Variants in SPAG17 observed in about 807,000 individuals in gnomAD.
The protein encoded by SPAG17 is sperm-associated antigen 17.
SPAG17 carries 169 observed loss-of-function variants against 273.6 expected under a neutral mutation model. The observed-to-expected ratio is 0.62, with a 90% CI of 0.55 to 0.70. SPAG17 has a LOEUF of 0.70. Among genes scored for constraint, SPAG17 ranks in the 30% least tolerant of loss-of-function variants. The pLI, the probability that SPAG17 is intolerant of heterozygous loss-of-function variation, is 0.00. For synonymous variants in SPAG17, 825 were observed against 873.2 expected (o/e 0.94, Z 0.97); for missense variants, 2,557 against 2,627.8 (o/e 0.97, Z 0.59).
intron 25 of SPAG17, among the ~76,000 whole-genome samples, chr1:118,029,403 A>G (rs1290407511): frequency 1.3e-5 from 2 of 152,136 alleles, no homozygotes. Flanking sequence ...CCAAACTAAT[A>G]CAGAAAAAGT....
intron 4 of SPAG17, among the ~76,000 whole-genome samples, chr1:118,104,349 T>A (rs979194533): frequency 6.6e-6 from 1 of 152,102 alleles, no homozygotes; most frequent in African/African-American, 2.4e-5. Flanking sequence ...GAAGACTGGG[T>A]GATAAATGAG....
chr1:118,120,729 C>T lies in SPAG17; in HGVS notation c.316-5288G>A, dbSNP rs1435512117. Among the ~76,000 whole-genome samples, 3 of 152,186 alleles carry T rather than the reference C, an allele frequency of 2.0e-5. No homozygotes were observed. The East Asian group carries it at 5.8e-4, about 29-fold the overall frequency. ...AATAGGAAGAATACAGAATTTGCTT[C>T]TGGCTCCTTTCTGTTACCTTTTAAA... On this transcript the variant is annotated intron_variant, in intron 3 of 48. Transcript: ENST00000336338.
At chr1:117,972,993 A>T (rs1654739403) in intron 44 of SPAG17, among the ~76,000 whole-genome samples, 1 of 152,208 alleles carries the variant, frequency 6.6e-6, no homozygotes, top group Non-Finnish European at 1.5e-5. Flanking sequence ...TTTGGATTTT[A>T]TCCTAAGAGT....
Position 117,988,141 on chromosome 1 carries a change from T to G in SPAG17, c.5585A>C (p.Asp1862Ala). 2 of 1,608,420 alleles carry G rather than the reference T, an allele frequency of 1.2e-6. No individual in the cohort carries two copies. The highest frequency in any genetic ancestry group is 8.5e-7 in the Non-Finnish European group (1 of 1,178,434). ...TTCAAAGAAATCTTTACCAAATGTG[T>G]CTGGTGGGCATTTTGGAGGCGTAGC... is the stretch of plus-strand genomic sequence containing the variant. The part of the protein sequence containing the change: ...SLATPPKCPP[D>A]TFGKDFFEKT... Residue 1862 changes from aspartate to alanine, a missense_variant, in exon 39 of 49, where the codon GAC becomes GCC. By Grantham distance (126) the Asp-to-Ala change is moderately radical (BLOSUM62 -2). Transcript: ENST00000336338.
intron 43 of SPAG17, among the ~76,000 whole-genome samples, chr1:117,979,567 C>T (rs1284384739): frequency 6.6e-6 from 1 of 152,280 alleles, no homozygotes; most frequent in East Asian, 1.9e-4. Flanking sequence ...GAGCTGTTAT[C>T]CTCACAGAGT....
chr1:118,116,568 T>C (rs1157091072), intron 3 of SPAG17, among the ~76,000 whole-genome samples: 1 of 152,136 alleles, frequency 6.6e-6, no homozygotes, highest in African/African-American at 2.4e-5. Context: ...TCCTGACCAG[T>C]CCAGTTGCTT....
At chr1:117,975,962 A>G (rs1056523433) in intron 43 of SPAG17, among the ~76,000 whole-genome samples, 1 of 152,210 alleles carries the variant, frequency 6.6e-6, no homozygotes, top group African/African-American at 2.4e-5. Context: ...AGCATTTTAC[A>G]TACATTAACT....
intron 3 of SPAG17, among the ~76,000 whole-genome samples, chr1:118,129,425 T>C (rs1368942224): frequency 6.6e-6 from 1 of 152,224 alleles, no homozygotes. Context: ...CTGCTGAATC[T>C]GAAACTCTGG....
At chr1:118,137,195 A>G (rs1004068324) in intron 3 of SPAG17, among the ~76,000 whole-genome samples, 5 of 152,162 alleles carry the variant, frequency 3.3e-5, no homozygotes, top group Non-Finnish European at 7.3e-5. Context: ...ATGTTATTAG[A>G]CTGTTCTGGC....
At chr1:118,183,109 T>C (rs1661021733) in intron 1 of SPAG17, among the ~76,000 whole-genome samples, 1 of 152,156 alleles carries the variant, frequency 6.6e-6, no homozygotes, top group African/African-American at 2.4e-5. Context: ...ATGAGTTACT[T>C]CTAAAAACTT....
At chr1:118,062,812 A>T (rs1652484748) in intron 18 of SPAG17, among the ~76,000 whole-genome samples, 1 of 152,222 alleles carries the variant, frequency 6.6e-6, no homozygotes, top group South Asian at 2.1e-4. Flanking sequence ...CTGTCATACA[A>T]ACCTTGAGCA....
At chr1:118,003,087 C>A (rs1441624047) in intron 32 of SPAG17, among the ~76,000 whole-genome samples, 1 of 152,116 alleles carries the variant, frequency 6.6e-6, no homozygotes, top group Non-Finnish European at 1.5e-5. Flanking sequence ...ACTTATGAAG[C>A]TTAGTTTGGC....
intron 1 of SPAG17, among the ~76,000 whole-genome samples, chr1:118,174,453 G>A (rs1480411520): frequency 6.6e-6 from 1 of 152,048 alleles, no homozygotes; most frequent in South Asian, 2.1e-4. Flanking sequence ...AAAGTATGAA[G>A]AAAAGTATAT....
chr1:118,040,855 T>C lies in SPAG17; in HGVS notation c.3055-14A>G. 1 of 1,496,574 alleles carries C rather than the reference T, an allele frequency of 6.7e-7. No individual in the cohort carries two copies. The highest frequency in any genetic ancestry group is 9.3e-7 in the Non-Finnish European group (1 of 1,072,452). 92.7% of individuals were successfully genotyped at this position (1,496,574 alleles called of 1,614,324 possible). ...GTATCCGTGAAACTAGAAGAGAAAA[T>C]ATTATGCTTTGAGTGTGAAGCTGCA... is the stretch of plus-strand genomic sequence containing the variant. On this transcript the variant is annotated splice_polypyrimidine_tract_variant and intron_variant, in intron 21 of 48. Transcript: ENST00000336338.
At chr1:118,154,992 C>A (rs1659576194) in intron 1 of SPAG17, among the ~76,000 whole-genome samples, 1 of 152,068 alleles carries the variant, frequency 6.6e-6, no homozygotes, top group Non-Finnish European at 1.5e-5. Context: ...GTCTGTCACA[C>A]CGAAAGCACC....
At chr1:118,090,649 T>C (rs182067995) in intron 10 of SPAG17, among the ~76,000 whole-genome samples, 1 of 152,176 alleles carries the variant, frequency 6.6e-6, no homozygotes, top group Admixed American at 6.5e-5. Context: ...TTTAGGAGGC[T>C]TAGGTGGGAG....
rs766183748 is a variant in SPAG17 at position 118,012,362 on chromosome 1, G to A, written c.4298C>T (p.Thr1433Ile). 7 of 1,613,074 alleles carry A rather than the reference G, an allele frequency of 4.3e-6. No individual in the cohort carries two copies. The highest frequency in any genetic ancestry group is 1.3e-5 in the African/African-American group (1 of 74,888). Residue 1433 changes from threonine (T) to isoleucine (I), a missense_variant, in exon 30 of 49, where the codon ACT becomes ATT. Thr to Ile is a moderately conservative substitution (Grantham distance 89). Coordinates refer to ENST00000336338, the MANE Select transcript of SPAG17 (RefSeq NM_206996.4). Reference sequence around the variant, plus strand: ...AACTATGACAACTTTGTCTTCTCGAGTTGTCATAACCTGAACATGAAGAGG... The same window carrying A: ...AACTATGACAACTTTGTCTTCTCGAATTGTCATAACCTGAACATGAAGAGG... Reference protein sequence around the residue: ...TDPVNGTVMTTREDKVVIVER... With the variant: ...TDPVNGTVMTIREDKVVIVER...
chr1:117,999,963 C>T (rs931366934), intron 32 of SPAG17, among the ~76,000 whole-genome samples: 1 of 152,140 alleles, frequency 6.6e-6, no homozygotes, highest in Non-Finnish European at 1.5e-5. Flanking sequence ...TTAGGTCTAA[C>T]ATGTAAGTCT....
intron 46 of SPAG17, among the ~76,000 whole-genome samples, chr1:117,969,597 A>AATAC (rs1654318684): frequency 6.6e-6 from 1 of 152,026 alleles, no homozygotes; most frequent in Non-Finnish European, 1.5e-5. Context: ...TAAATAAATA[A>AATAC]ATATAAATAA....
Sources: gnomAD v4.1 joint callset for allele counts (sites outside exome capture counted in the v4.1 genomes callset) on GRCh38, gnomAD v4.1.1 for gene constraint, MANE v1.5 for transcripts, NCBI Gene and HGNC (gene_info 2026-07-23, HGNC 2026-07-21) for gene names.